The following CCDC178 variants were observed in gnomAD, a reference collection of about 807,000 sequenced individuals.
CCDC178 encodes coiled-coil domain-containing protein 178.
CCDC178 carries 126 observed loss-of-function variants against 117.4 expected under a neutral mutation model. The observed-to-expected ratio is 1.07, with a 90% CI of 0.93 to 1.24. CCDC178 has a LOEUF of 1.24. Ranked by LOEUF, CCDC178 falls within the 50% of genes most tolerant of loss-of-function variation. The pLI, the probability that CCDC178 is intolerant of heterozygous loss-of-function variation, is 0.00. For missense variants in CCDC178, 1,030 were observed against 986.9 expected, an observed-to-expected ratio of 1.04 and a Z score of -0.59; for synonymous variants, 283 against 313.4, an observed-to-expected ratio of 0.90 and a Z score of 1.02.
intron 22 of CCDC178, 26 bp from the exon 23 acceptor site, chr18:32,938,117 AAT>A: frequency 6.8e-7 from 1 of 1,459,952 alleles, no homozygotes; most frequent in South Asian, 1.1e-5. Flanking sequence ...AAACAAACAA[AAT>A]CAATAAGTAC....
chr18:33,389,413 A>G, intron 5 of CCDC178, 127 bp downstream of exon 5: 1 of 376,970 alleles, frequency 2.7e-6, no homozygotes, highest in Non-Finnish European at 4.8e-6. Context: ...ATATATATTT[A>G]CTATGTTAAC....
intron 5 of CCDC178, 42 bp downstream of exon 5, chr18:33,389,498 T>C (rs748282571): frequency 1.5e-5 from 13 of 889,104 alleles, no homozygotes; most frequent in Admixed American, 1.1e-4. Context: ...AATATAAATA[T>C]AGTTTATATA....
At chr18:33,283,230 C>T (rs983245332) in intron 12 of CCDC178, among the ~76,000 whole-genome samples, 1 of 151,946 alleles carries the variant, frequency 6.6e-6, no homozygotes, top group Admixed American at 6.6e-5. Flanking sequence ...GAACACTGGC[C>T]CCCTCAAATC....
chr18:33,241,469 TAGA>T (rs1179583512), intron 15 of CCDC178, among the ~76,000 whole-genome samples: 2 of 135,806 alleles, frequency 1.5e-5, no homozygotes, highest in African/African-American at 5.4e-5. Flanking sequence ...TGTGTGTGTG[TAGA>T]GAGAGACTCT....
intron 21 of CCDC178, among the ~76,000 whole-genome samples, chr18:32,994,880 T>C (rs1022287715): frequency 3.3e-5 from 5 of 152,212 alleles, no homozygotes; most frequent in Admixed American, 1.3e-4. Context: ...CTTTTAGTTT[T>C]AGTGATTAGA....
chr18:33,254,714 C>T lies in CCDC178; in HGVS notation c.1410-9286G>A, dbSNP rs116620832. ...TTTAAAAACATGCTGAAGAAGAAGA[C>T]GAAGAGAAGGAAGAGGAGGAGCAGA... is the stretch of plus-strand genomic sequence containing the variant. On this transcript the variant is annotated intron_variant, in intron 14 of 22. Coordinates refer to ENST00000383096, the MANE Select transcript of CCDC178 (RefSeq NM_001105528.4). Among the ~76,000 whole-genome samples, 1,090 of 151,240 alleles carry T rather than the reference C, an allele frequency of 7.2e-3. 8 individuals are homozygous for T. Among genetic ancestry groups the T allele is most frequent in the African/African-American group, 0.025 (1,035 of 41,174 alleles).
intron 15 of CCDC178, among the ~76,000 whole-genome samples, chr18:33,227,245 G>A (rs1175343811): frequency 6.7e-6 from 1 of 149,442 alleles, no homozygotes; most frequent in Non-Finnish European, 1.5e-5. Context: ...AGTGTGAAGT[G>A]TGCAAAATAA....
intron 2 of CCDC178, among the ~76,000 whole-genome samples, chr18:33,428,659 G>C (rs1264720732): frequency 6.8e-6 from 1 of 147,030 alleles, no homozygotes. Flanking sequence ...TTGAACCCAG[G>C]AGATGGAGGT....
chr18:33,161,392 C>T (rs949200009), intron 20 of CCDC178, among the ~76,000 whole-genome samples: 1 of 151,810 alleles, frequency 6.6e-6, no homozygotes, highest in Admixed American at 6.6e-5. Context: ...CACATTCTAT[C>T]AGGATTTAGT....
chr18:33,030,782 A>AAGAT (rs768426167), intron 21 of CCDC178, among the ~76,000 whole-genome samples: 2 of 152,066 alleles, frequency 1.3e-5, no homozygotes, highest in East Asian at 1.9e-4. Flanking sequence ...GATAGATAAG[A>AAGAT]AGATAGATAG....
chr18:33,170,495 A>G (rs954314605), intron 20 of CCDC178, among the ~76,000 whole-genome samples: 1 of 152,164 alleles, frequency 6.6e-6, no homozygotes, highest in African/African-American at 2.4e-5. Context: ...AAAATATGTA[A>G]CTACAGCTTT....
chr18:33,009,460 T>G lies in CCDC178; in HGVS notation c.2389-34779A>C, dbSNP rs116368843. Among the ~76,000 whole-genome samples, 1,478 of 152,240 alleles carry G rather than the reference T, an allele frequency of 9.7e-3. 24 individuals carry two copies. The highest frequency in any genetic ancestry group is 0.034 in the African/African-American group (1,419 of 41,562). On this transcript the variant is annotated intron_variant, in intron 21 of 22. Coordinates refer to ENST00000383096, the MANE Select transcript of CCDC178 (RefSeq NM_001105528.4). ...GGTGTTACCTTTATTCTTATAGATA[T>G]GCTTTTATCTTAGTGACTTTGTGTA...
At chr18:33,244,537 T>A (rs999216886) in intron 15 of CCDC178, among the ~76,000 whole-genome samples, 1 of 151,942 alleles carries the variant, frequency 6.6e-6, no homozygotes, top group African/African-American at 2.4e-5. Context: ...TATAAGGGGC[T>A]TCCCCATTTG....
chr18:33,336,452 C>A (rs1452591570), intron 9 of CCDC178, among the ~76,000 whole-genome samples: 5 of 152,058 alleles, frequency 3.3e-5, no homozygotes, highest in African/African-American at 1.2e-4. Context: ...GGCCATGCTA[C>A]ATTTCTTATG....
chr18:33,335,070 T>C (rs2062721638), intron 9 of CCDC178, among the ~76,000 whole-genome samples: 1 of 152,088 alleles, frequency 6.6e-6, no homozygotes, highest in Non-Finnish European at 1.5e-5. Context: ...TTTTACATTA[T>C]GCTCTTTCTA....
At chr18:33,127,592 C>T (rs1396108221) in intron 20 of CCDC178, among the ~76,000 whole-genome samples, 1 of 152,062 alleles carries the variant, frequency 6.6e-6, no homozygotes, top group Non-Finnish European at 1.5e-5. Flanking sequence ...CCTGCCACCG[C>T]GCCTGGCTAA....
intron 21 of CCDC178, among the ~76,000 whole-genome samples, chr18:32,993,473 G>A (rs1374100071): frequency 1.3e-5 from 2 of 152,164 alleles, no homozygotes. Flanking sequence ...GATGCCCTGG[G>A]CAAGTGCAGT....
intron 21 of CCDC178, among the ~76,000 whole-genome samples, chr18:33,033,943 AT>A (rs1347821553): frequency 1.3e-5 from 2 of 151,974 alleles, no homozygotes; most frequent in Admixed American, 6.6e-5. Flanking sequence ...GTATATATAT[AT>A]ATGTGTATAT....
chr18:33,194,950 G>GAC (rs1429076772), intron 20 of CCDC178, among the ~76,000 whole-genome samples: 1 of 139,190 alleles, frequency 7.2e-6, no homozygotes, highest in African/African-American at 2.7e-5. Context: ...GAGAGACAGA[G>GAC]AGAGAGAGAG....
Sources: gnomAD v4.1 joint callset for allele counts (sites outside exome capture counted in the v4.1 genomes callset) on GRCh38, gnomAD v4.1.1 for gene constraint, MANE v1.5 for transcripts, NCBI Gene and HGNC (gene_info 2026-07-23, HGNC 2026-07-21) for gene names.